Variants in CFAP61 observed in about 807,000 individuals in gnomAD.
CFAP61 encodes cilia and flagella associated protein 61, also known as cilia- and flagella-associated protein 61.
CFAP61 carries 107 observed loss-of-function variants against 135.6 expected under a neutral mutation model. The observed-to-expected ratio is 0.79, with a 90% CI of 0.67 to 0.93. The LOEUF (loss-of-function observed/expected upper bound fraction) is 0.93, where lower values mean the gene tolerates loss of function less well. Among genes scored for constraint, CFAP61 ranks in the 40% least tolerant of loss-of-function variants. The probability of loss-of-function intolerance (pLI) is 0.00; values close to 1 mark genes in which losing one functional copy is unlikely to be tolerated. For missense variants in CFAP61, 1,507 were observed against 1,556.2 expected (o/e 0.97, Z 0.53); for synonymous variants, 575 against 578.5 (o/e 0.99, Z 0.09).
At chr20:20,256,147 G>GT (rs1164101849) in intron 20 of CFAP61, among the ~76,000 whole-genome samples, 2 of 152,150 alleles carry the variant, frequency 1.3e-5, no homozygotes, top group Non-Finnish European at 2.9e-5. Context: ...CCAGCTGAAA[G>GT]TTGCCAAGTG....
At chr20:20,309,252 A>G (rs991356773) in intron 25 of CFAP61, among the ~76,000 whole-genome samples, 2 of 152,202 alleles carry the variant, frequency 1.3e-5, no homozygotes, top group African/African-American at 2.4e-5. Context: ...CAAAAGCAAT[A>G]TGTGTTTATT....
Position 20,290,409 on chromosome 20 carries a change from A to G in CFAP61, c.3216+18A>G. The G allele has an allele frequency of 6.7e-7, 1 of 1,491,914 alleles. No homozygotes were observed. Among genetic ancestry groups the G allele is most frequent in the Non-Finnish European group, 9.4e-7 (1 of 1,069,426 alleles). 92.4% of individuals were successfully genotyped at this position (1,491,914 alleles called of 1,614,324 possible). A position where few individuals can be genotyped will look rare whatever the true frequency, so the allele number is the denominator to read the frequency against. On this transcript the variant is annotated intron_variant, in intron 24 of 26. Coordinates refer to ENST00000245957, the MANE Select transcript of CFAP61 (RefSeq NM_015585.4). ...CTAATTATGTAAGTATTATTTCTGAATTTCATTTTACTTTCAAATACAAAA... is the reference window on the plus strand; with the variant it reads ...CTAATTATGTAAGTATTATTTCTGAGTTTCATTTTACTTTCAAATACAAAA...
chr20:20,360,290 A>G lies in CFAP61; in HGVS notation c.3594A>G (p.Gln1198=), dbSNP rs373576711. 84 of 1,613,844 alleles carry G rather than the reference A, an allele frequency of 5.2e-5. 2 individuals are homozygous for G. The East Asian group carries it at 6.7e-4, about 13-fold the overall frequency. ...TCAACCCGACTGAGAAGCCCAGGCAATACCTCAAAAGAGTTTTTGAGGAAT... is the reference window on the plus strand; with the variant it reads ...TCAACCCGACTGAGAAGCCCAGGCAGTACCTCAAAAGAGTTTTTGAGGAAT... ...EEINPTEKPR[Q]YLKRVFEESI... is the part of the protein sequence containing the mutation. The change falls in exon 27 of 27, where the codon CAA becomes CAG. Residue 1198 remains glutamine (Q), a synonymous_variant. Transcript: ENST00000245957.
At chr20:20,134,114 T>C (rs2050746836) in intron 8 of CFAP61, among the ~76,000 whole-genome samples, 1 of 152,156 alleles carries the variant, frequency 6.6e-6, no homozygotes, top group South Asian at 2.1e-4. Context: ...ATCATTGTCT[T>C]GAAGGATAAA....
intron 22 of CFAP61, 152 bp downstream of exon 22, chr20:20,277,610 C>G (rs2053871823): frequency 1.4e-6 from 1 of 717,786 alleles, no homozygotes; most frequent in Admixed American, 3.0e-5. Flanking sequence ...TGCTGGGTAA[C>G]AACCCACCCC....
intron 17 of CFAP61, among the ~76,000 whole-genome samples, chr20:20,220,514 C>A (rs892897803): frequency 6.6e-6 from 1 of 152,054 alleles, no homozygotes; most frequent in Non-Finnish European, 1.5e-5. Flanking sequence ...TTGCGATTGG[C>A]ATGTGAAGTG....
intron 17 of CFAP61, among the ~76,000 whole-genome samples, chr20:20,216,572 T>C (rs1005984537): frequency 6.6e-5 from 10 of 152,358 alleles, no homozygotes; most frequent in African/African-American, 2.4e-4. Flanking sequence ...CTTCTGGGCA[T>C]GGGGAAGCCT....
At chr20:20,056,550 G>A (rs2044350313) in intron 1 of CFAP61, 68 bp from the exon 2 acceptor site, 3 of 1,088,156 alleles carry the variant, frequency 2.8e-6, no homozygotes, top group Non-Finnish European at 4.1e-6. Context: ...CTGACCACAT[G>A]GAAATTGAAT....
intron 22 of CFAP61, among the ~76,000 whole-genome samples, 170 bp from the exon 23 acceptor site, chr20:20,288,439 A>T (rs73285328): frequency 6.6e-6 from 1 of 152,238 alleles, no homozygotes; most frequent in African/African-American, 2.4e-5. Context: ...TGGGTTCTTC[A>T]TGCCCAAGGC....
intron 25 of CFAP61, among the ~76,000 whole-genome samples, chr20:20,341,544 C>T (rs1412407012): frequency 6.6e-6 from 1 of 152,190 alleles, no homozygotes; most frequent in Non-Finnish European, 1.5e-5. Context: ...AGACACCGTT[C>T]TTTACAAGTC....
intron 24 of CFAP61, among the ~76,000 whole-genome samples, chr20:20,296,356 T>TCCTTCCTTCCCTTGC (rs2055579380): frequency 2.0e-5 from 1 of 49,576 alleles, no homozygotes; most frequent in African/African-American, 7.8e-5. Flanking sequence ...TCCTTCCTTC[T>TCCTTCCTTCCCTTGC]TTCCTTTCTT....
intron 4 of CFAP61, 56 bp downstream of exon 4, chr20:20,074,434 T>A: frequency 1.4e-6 from 2 of 1,450,322 alleles, no homozygotes; most frequent in Non-Finnish European, 1.9e-6. Flanking sequence ...TGGATAGTTT[T>A]GAAATATTTT....
chr20:20,054,409 A>G (rs370612385), intron 1 of CFAP61, among the ~76,000 whole-genome samples: 27 of 149,118 alleles, frequency 1.8e-4, no homozygotes, highest in Non-Finnish European at 3.0e-4. Context: ...ATATATATAT[A>G]TATATACACA....
intron 2 of CFAP61, among the ~76,000 whole-genome samples, chr20:20,069,153 A>G (rs2146562923): frequency 6.6e-6 from 1 of 152,348 alleles, no homozygotes; most frequent in South Asian, 2.1e-4. Context: ...AAAAAAGTAC[A>G]GGAAGCGCAT....
chr20:20,284,626 C>T (rs1309247765), intron 22 of CFAP61, among the ~76,000 whole-genome samples: 2 of 152,168 alleles, frequency 1.3e-5, no homozygotes, highest in Non-Finnish European at 2.9e-5. Context: ...TTAGTAATTG[C>T]TCTATGGATT....
At chr20:20,188,903 T>C (rs2055706522) in intron 14 of CFAP61, among the ~76,000 whole-genome samples, 1 of 152,208 alleles carries the variant, frequency 6.6e-6, no homozygotes, top group African/African-American at 2.4e-5. Flanking sequence ...ACCACCTTGC[T>C]TCTAAGATCA....
intron 16 of CFAP61, 76 bp from the exon 17 acceptor site, chr20:20,199,691 TG>T (rs1220184639): frequency 1.3e-6 from 2 of 1,520,040 alleles, no homozygotes; most frequent in East Asian, 2.3e-5. Flanking sequence ...GTTTTGTATT[TG>T]TAAAGCTGTA....
Position 20,052,561 on chromosome 20 carries a change from T to C in CFAP61, c.-67T>C, listed in dbSNP as rs749414547. On this transcript the variant is annotated 5_prime_UTR_variant, in exon 1 of 27. Transcript: ENST00000245957. The stretch of plus-strand genomic sequence containing the variant: ...TGCGCGTCCTCCTTGCGGCAGCGCG[T>C]GGAGTGCGGCGTCCTGGAGCTGCGG... 5.6e-6 allele frequency: 9 copies of C among 1,613,832 alleles called. No homozygotes were observed. Among genetic ancestry groups the C allele is most frequent in the East Asian group, 4.5e-5 (2 of 44,890 alleles).
rs546700600 is a variant in CFAP61, at chr20:20,166,313, G to A, written c.1206-84G>A. On this transcript the variant is annotated intron_variant, in intron 11 of 26. Coordinates refer to ENST00000245957, the MANE Select transcript of CFAP61 (RefSeq NM_015585.4). ...TGGTTGGCTAATCGCTGCCCGAGGG[G>A]AGGGAGCTGTAAATCTCTGTAAACG... The A allele has an allele frequency of 6.9e-5, 77 of 1,123,120 alleles. 1 individual carries two copies. In the East Asian group the frequency reaches 1.8e-3, roughly 26 times the overall value. 69.6% of individuals were successfully genotyped at this position (1,123,120 alleles called of 1,614,324 possible). A position where few individuals can be genotyped will look rare whatever the true frequency, so the allele number is the denominator to read the frequency against.
Sources: allele counts gnomAD v4.1 joint callset (sites outside exome capture counted in the v4.1 genomes callset), GRCh38; gene constraint gnomAD v4.1.1; transcripts MANE v1.5; gene names NCBI Gene and HGNC (gene_info 2026-07-23, HGNC 2026-07-21).